HJURP: variants seen among roughly 807,000 people sequenced by gnomAD.
HJURP encodes 14-3-3-associated AKT substrate.
In HJURP, 49 loss-of-function variants were observed where a neutral mutation model predicts 72.0. That is an observed-to-expected ratio of 0.68 (90% CI 0.54 to 0.86). The LOEUF is 0.86. HJURP is among the 40% of genes least tolerant of loss of function. The pLI is 0.00. For synonymous variants in HJURP, 357 were observed against 347.1 expected, an observed-to-expected ratio of 1.03 and a Z score of -0.32; for missense variants, 908 against 936.3, an observed-to-expected ratio of 0.97 and a Z score of 0.39.
chr2:233,839,059 T>TA (rs1293574442), intron 8 of HJURP, among the ~76,000 whole-genome samples: 4 of 152,204 alleles, frequency 2.6e-5, no homozygotes, highest in African/African-American at 9.7e-5. Context: ...CCTGAACACT[T>TA]ACGTATGTCC....
At chr2:233,852,526 C>T (rs1388828573) in intron 3 of HJURP, 39 bp downstream of exon 3, 4 of 1,469,366 alleles carry the variant, frequency 2.7e-6, no homozygotes, top group Non-Finnish European at 3.8e-6. Context: ...TACTCCTCCA[C>T]AGCAAGGTTA....
rs145940489 is a variant in HJURP at position 233,841,455 on chromosome 2, T to A, written c.1325A>T (p.His442Leu). ...REIEIRFDQLHREYCLSPRNQ... is the reference protein window; with the variant it reads ...REIEIRFDQLLREYCLSPRNQ... ...CCTGGGACTCAGGCAATATTCCCGA[T>A]GAAGCTGATCAAATCGGATTTCAAT... Residue 442 changes from histidine to leucine, a missense_variant, in exon 8 of 9, where the codon CAT (histidine) becomes CTT (leucine). Physicochemically the swap from His to Leu is moderately conservative, Grantham distance 99. Coordinates refer to ENST00000411486, the MANE Select transcript of HJURP (RefSeq NM_018410.5). 5 of 1,614,246 alleles carry A rather than the reference T, an allele frequency of 3.1e-6. No individual in the cohort carries two copies. Among genetic ancestry groups the A allele is most frequent in the Non-Finnish European group, 4.2e-6 (5 of 1,180,046 alleles).
At position 233,837,417 on chromosome 2, in the gene HJURP, C is replaced by T. The variant is rs1021612531; in HGVS notation, c.*160G>A. ...CAACTTTATTCACATAATTTCTACACCAAGAACTCGAGGTTATCTCTGATG... is the reference window on the plus strand; with the variant it reads ...CAACTTTATTCACATAATTTCTACATCAAGAACTCGAGGTTATCTCTGATG... On this transcript the variant is annotated 3_prime_UTR_variant, in exon 9 of 9. Transcript: ENST00000411486. 9 of 587,382 alleles carry T rather than the reference C, an allele frequency of 1.5e-5. No homozygotes were observed. The highest frequency in any genetic ancestry group is 7.7e-5 in the African/African-American group (4 of 51,990). The allele number at this position is 587,382 out of a possible 1,614,324, so 36.4% of individuals were successfully genotyped here.
rs1344862071 is a variant in HJURP, at chr2:233,844,232, G to A, written c.547C>T (p.Leu183=). 2 of 1,614,086 alleles carry A rather than the reference G, an allele frequency of 1.2e-6. No individual in the cohort carries two copies. The highest frequency in any genetic ancestry group is 2.2e-5 in the East Asian group (1 of 44,902). Residue 183 remains leucine (L), a synonymous_variant, in exon 7 of 9, where the codon CTG becomes TTG. Coordinates refer to ENST00000411486, the MANE Select transcript of HJURP (RefSeq NM_018410.5). ...GGGGCAGGCACGGCAGGTGAGGCCA[G>A]TGAAGGCAGCGGAGTCACACGTACA... ...RDVRVTPLPS[L]ASPAVPAPGY... is the part of the protein sequence containing the mutation.
At chr2:233,849,201 T>C (rs536265) in intron 4 of HJURP, among the ~76,000 whole-genome samples, 29,625 of 152,044 alleles carry the variant, frequency 0.19, 3,171 homozygotes, top group African/African-American at 0.27. Context: ...GGCAAAGGGA[T>C]GTGGCAAGGA....
rs769692397 is a variant in HJURP at position 233,852,555 on chromosome 2, C to A, written c.240+10G>T. ...AAGGTTATTTGGCAATAAAATTTGACACTAAATACCTGGATCTCTCCTTCG... is the reference window on the plus strand; with the variant it reads ...AAGGTTATTTGGCAATAAAATTTGAAACTAAATACCTGGATCTCTCCTTCG... On this transcript the variant is annotated intron_variant, in intron 3 of 8. Coordinates refer to ENST00000411486, the MANE Select transcript of HJURP (RefSeq NM_018410.5). 11 of 1,578,050 alleles carry A rather than the reference C, an allele frequency of 7.0e-6. No individual in the cohort carries two copies. In the African/African-American group the frequency reaches 1.5e-4, roughly 21 times the overall value.
intron 7 of HJURP, 49 bp from the exon 8 acceptor site, chr2:233,842,254 C>T (rs945744744): frequency 1.4e-6 from 2 of 1,470,158 alleles, no homozygotes; most frequent in African/African-American, 2.8e-5. Context: ...CATTCTAAAC[C>T]ATCCATGTGC....
intron 4 of HJURP, 82 bp from the exon 5 acceptor site, chr2:233,847,543 TC>T: frequency 8.6e-7 from 1 of 1,157,066 alleles, no homozygotes; most frequent in East Asian, 2.4e-5. Flanking sequence ...TGGCATCACT[TC>T]GAGTAAGTTG....
At chr2:233,845,659 A>G in intron 6 of HJURP, 69 bp downstream of exon 6, 1 of 988,724 alleles carries the variant, frequency 1.0e-6, no homozygotes, top group Non-Finnish European at 1.6e-6. Context: ...AAGCATAATA[A>G]CACTGTACCT....
In HJURP at chr2:233,847,247, C is replaced by T. The variant is rs747765070; in HGVS notation, c.402+150G>A. On this transcript the variant is annotated intron_variant, in intron 5 of 8. Coordinates refer to ENST00000411486, the MANE Select transcript of HJURP (RefSeq NM_018410.5). The stretch of plus-strand genomic sequence containing the variant: ...TGAAGGGAATCGACACGAGGAAATC[C>T]GAGACTTGGAAGTAGCAAAAGCCAG... The T allele has an allele frequency of 4.2e-5, 27 of 650,052 alleles. No homozygotes were observed. In the East Asian group the frequency reaches 4.3e-4, roughly 10 times the overall value. 40.3% of individuals were successfully genotyped at this position (650,052 alleles called of 1,614,324 possible). A position where few individuals can be genotyped will look rare whatever the true frequency, so the allele number is the denominator to read the frequency against.
chr2:233,847,610 G>T, intron 4 of HJURP, 149 bp from the exon 5 acceptor site: 1 of 695,958 alleles, frequency 1.4e-6, no homozygotes. Context: ...ATCTACGGCT[G>T]CCCGTGGTTC....
At position 233,845,868 on chromosome 2, in the gene HJURP, C is replaced by T. The variant is rs375222898; in HGVS notation, c.403-48G>A. 65 of 1,250,926 alleles carry T rather than the reference C, an allele frequency of 5.2e-5. 1 individual carries two copies. The African/African-American group carries it at 7.1e-4, about 14-fold the overall frequency. The allele number at this position is 1,250,926 out of a possible 1,614,324, so 77.5% of individuals were successfully genotyped here. Reference sequence around the variant, plus strand: ...AATTTTTAAGAGCTTCTGAGTATAGCTGACCTTTTGGCTTCTGGAACAAAC... The same window carrying T: ...AATTTTTAAGAGCTTCTGAGTATAGTTGACCTTTTGGCTTCTGGAACAAAC... On this transcript the variant is annotated intron_variant, in intron 5 of 8. Coordinates refer to ENST00000411486, the MANE Select transcript of HJURP (RefSeq NM_018410.5).
At position 233,841,756 on chromosome 2, in the gene HJURP, T is replaced by G. The variant is rs201562477; in HGVS notation, c.1024A>C (p.Asn342His). The G allele has an allele frequency of 1.2e-5, 19 of 1,614,222 alleles. No individual in the cohort carries two copies. The highest frequency in any genetic ancestry group is 1.5e-5 in the Non-Finnish European group (18 of 1,180,042). The change falls in exon 8 of 9, where the codon AAC (asparagine) becomes CAC (histidine). Residue 342 changes from asparagine (N) to histidine (H), a missense_variant. Asn to His is a moderately conservative substitution (Grantham distance 68). Around this residue, in one of 3 missense-constraint regions of HJURP, gnomAD observed 598 missense variants for 619.5 expected, o/e 0.97. Transcript: ENST00000411486. ...KGTGALRDCK[N>H]VLDVSCRKTG... is the part of the protein sequence containing the mutation. The stretch of plus-strand genomic sequence containing the variant: ...TTACGGCAAGAAACATCTAATACGT[T>G]CTTGCAATCTCTTAATGCCCCTGTC...
chr2:233,852,442 T>G, intron 3 of HJURP, 123 bp downstream of exon 3: 1 of 670,124 alleles, frequency 1.5e-6, no homozygotes. Flanking sequence ...AGTATAATCA[T>G]GAGAAAAAGT....
intron 8 of HJURP, among the ~76,000 whole-genome samples, chr2:233,837,916 C>G (rs952581404): frequency 6.6e-6 from 1 of 152,246 alleles, no homozygotes; most frequent in Non-Finnish European, 1.5e-5. Context: ...CCAGCTAGCG[C>G]TGCTGCACGA....
At position 233,845,760 on chromosome 2, in the gene HJURP, C is replaced by A; in HGVS notation, c.463G>T (p.Asp155Tyr). ...TACTCTGCACCTTGTAGCAGTATAT[C>A]CACTTGGGTCAAGTATTTCCTTCTT... ...ELRRKYLTQVDILLQGAEYFE... is the reference protein window; with the variant it reads ...ELRRKYLTQVYILLQGAEYFE... Residue 155 changes from aspartate (D) to tyrosine (Y), a missense_variant, in exon 6 of 9, where the codon GAT becomes TAT. Coordinates refer to ENST00000411486, the MANE Select transcript of HJURP (RefSeq NM_018410.5). 2.5e-6 allele frequency: 4 copies of A among 1,612,698 alleles called. No individual in the cohort carries two copies. The highest frequency in any genetic ancestry group is 3.4e-6 in the Non-Finnish European group (4 of 1,178,732).
intron 8 of HJURP, among the ~76,000 whole-genome samples, chr2:233,838,768 C>T (rs177255): frequency 0.46 from 70,278 of 152,052 alleles, 16,359 homozygotes; most frequent in South Asian, 0.55. Flanking sequence ...AACGCATAAA[C>T]TTTGCCTCAA....
intron 4 of HJURP, among the ~76,000 whole-genome samples, chr2:233,849,211 A>G (rs1348882703): frequency 6.6e-6 from 1 of 152,154 alleles, no homozygotes; most frequent in African/African-American, 2.4e-5. Context: ...TGTGGCAAGG[A>G]AGGGGCCCAG....
intron 4 of HJURP, 49 bp from the exon 5 acceptor site, chr2:233,847,510 C>G: frequency 1.3e-6 from 2 of 1,491,058 alleles, no homozygotes; most frequent in Non-Finnish European, 1.9e-6. Flanking sequence ...GGAAGGAGTG[C>G]ATTTTCCTCT....
Sources: allele counts gnomAD v4.1 joint callset (sites outside exome capture counted in the v4.1 genomes callset), GRCh38; gene constraint gnomAD v4.1.1; regional missense constraint gnomAD v4.1.1; transcripts MANE v1.5; gene names NCBI Gene and HGNC (gene_info 2026-07-23, HGNC 2026-07-21).